The following AHNAK2 variants were observed in gnomAD, a reference collection of about 807,000 sequenced individuals.
The protein encoded by AHNAK2 is AHNAK nucleoprotein 2.
A neutral mutation model predicts 30.7 loss-of-function variants in AHNAK2; 18 were observed. The ratio of observed to expected loss-of-function variants is 0.59; its 90% CI spans 0.41 to 0.87. The LOEUF is 0.87. Ranked by LOEUF, AHNAK2 falls within the 40% of genes least tolerant of loss-of-function variation. AHNAK2 has a pLI of 0.00. For missense variants in AHNAK2, 8,604 were observed against 7,373.0 expected, an observed-to-expected ratio of 1.17 and a Z score of -6.11; for synonymous variants, 3,590 against 3,073.8, an observed-to-expected ratio of 1.17 and a Z score of -5.56.
In AHNAK2 at chr14:104,945,242, T is replaced by G; in HGVS notation, c.10209A>C (p.Lys3403Asn). The G allele has an allele frequency of 6.2e-7, 1 of 1,612,652 alleles. No individual in the cohort carries two copies. The highest frequency in any genetic ancestry group is 8.5e-7 in the Non-Finnish European group (1 of 1,179,470). ...KVEMPSFKMP[K>N]VDLKSPQVDI... ...CCACCTGGGGGCTCTTGAGGTCCAC[T>G]TTGGGCATCTTGAAACTGGGCATCT... is the stretch of plus-strand genomic sequence containing the variant. The change falls in exon 7 of 7, where the codon AAA becomes AAC. Residue 3403 changes from lysine (K) to asparagine (N), a missense_variant. Lys to Asn is a moderately conservative substitution (Grantham distance 94). Coordinates refer to ENST00000333244, the MANE Select transcript of AHNAK2 (RefSeq NM_138420.4).
At position 104,938,235 on chromosome 14, in the gene AHNAK2, C is replaced by CTTTAG. The variant is rs1897869460; in HGVS notation, c.17215_17216insCTAAA (p.Ser5739ThrfsTer14). The CTTTAG allele has an allele frequency of 1.2e-6, 2 of 1,613,784 alleles. No homozygotes were observed. Among genetic ancestry groups the CTTTAG allele is most frequent in the Admixed American group, 3.3e-5 (2 of 59,996 alleles). On this transcript the variant is annotated frameshift_variant, in exon 7 of 7. Transcript: ENST00000333244. LOFTEE classifies it low-confidence loss of function (END_TRUNC). ...CTCTTCCTTCTCTTCAGGGGAGAAA[C>CTTTAG]TTTCTCGGGCATCAAAAAACGTGAT...
Position 104,940,453 on chromosome 14 carries a change from C to G in AHNAK2, c.14998G>C (p.Ala5000Pro), listed in dbSNP as rs774111745. The change falls in exon 7 of 7, where the codon GCC becomes CCC. Residue 5000 changes from alanine to proline, a missense_variant. Ala to Pro is a conservative substitution (Grantham distance 27). Transcript: ENST00000333244. The surrounding 1 kb of genome is among the most constrained non-coding windows in gnomAD (Gnocchi z 4.4). ...LDKDEVAPQS[A>P]IHMDLPPERD... is the part of the protein sequence containing the mutation. ...TCAGGAGGCAGATCCATGTGGATGGCAGACTGCGGGGCCACTTCATCCTTG... is the reference window on the plus strand; with the variant it reads ...TCAGGAGGCAGATCCATGTGGATGGGAGACTGCGGGGCCACTTCATCCTTG... 6.2e-7 allele frequency: 1 copy of G among 1,613,856 alleles called. No individual in the cohort carries two copies. Among genetic ancestry groups the G allele is most frequent in the Non-Finnish European group, 8.5e-7 (1 of 1,179,902 alleles).
chr14:104,947,097 G>A lies in AHNAK2; in HGVS notation c.8354C>T (p.Ala2785Val), dbSNP rs1169582640. 1 of 1,612,576 alleles carries A rather than the reference G, an allele frequency of 6.2e-7. No homozygotes were observed. Among genetic ancestry groups the A allele is most frequent in the East Asian group, 2.2e-5 (1 of 44,712 alleles). Residue 2785 changes from alanine (A) to valine (V), a missense_variant, in exon 7 of 7, where the codon GCC (alanine) becomes GTC (valine). Coordinates refer to ENST00000333244, the MANE Select transcript of AHNAK2 (RefSeq NM_138420.4). ...CGCACCATCCAGCTTTGCTCTCGGG[G>A]CCTGGACGTCCACCTCCATGCTGGA... ...SLSSMEVDVQ[A>V]PRAKLDGARL...
chr14:104,944,466 T>C lies in AHNAK2; in HGVS notation c.10985A>G (p.Asp3662Gly), dbSNP rs200474125. ...APGKSMEASV[D>G]VSAPKVEADV... ...GGCTTCCACCTTGGGTGCAGACACA[T>C]CCACCGAGGCCTCCATGGACTTCCC... Residue 3662 changes from aspartate (D) to glycine (G), a missense_variant, in exon 7 of 7, where the codon GAT becomes GGT. Coordinates refer to ENST00000333244, the MANE Select transcript of AHNAK2 (RefSeq NM_138420.4). The C allele has an allele frequency of 5.1e-5, 83 of 1,612,830 alleles. No individual in the cohort carries two copies. The highest frequency in any genetic ancestry group is 6.9e-5 in the Non-Finnish European group (81 of 1,179,552).
rs767065290 is a variant in AHNAK2 at position 104,939,715 on chromosome 14, T to C, written c.15736A>G (p.Met5246Val). The C allele has an allele frequency of 1.2e-6, 2 of 1,613,898 alleles. No individual in the cohort carries two copies. The highest frequency in any genetic ancestry group is 1.3e-5 in the African/African-American group (1 of 75,056). Residue 5246 changes from methionine to valine, a missense_variant, in exon 7 of 7, where the codon ATG becomes GTG. Transcript: ENST00000333244. ...TCTGCCTCTGGGAGCTGTAGGGACA[T>C]AGCTGCCTCCACGTTTGACCCAGAA... is the stretch of plus-strand genomic sequence containing the variant. ...LVSGSNVEAA[M>V]SLQLPEADAE... is the part of the protein sequence containing the mutation.
chr14:104,943,513 C>T lies in AHNAK2; in HGVS notation c.11938G>A (p.Val3980Met), dbSNP rs751887950. The part of the protein sequence containing the change: ...MPKFKMPSFG[V>M]SAPGKSMEAS... ...TCCATGGACTTGCCTGGGGCAGACA[C>T]CCCGAACGACGGCATCTTGAACTTG... The change falls in exon 7 of 7, where the codon GTG (valine) becomes ATG (methionine). Residue 3980 changes from valine (V) to methionine (M), a missense_variant. Physicochemically the swap from Val to Met is conservative, Grantham distance 21. Transcript: ENST00000333244. 2 of 1,613,232 alleles carry T rather than the reference C, an allele frequency of 1.2e-6. No individual in the cohort carries two copies. The highest frequency in any genetic ancestry group is 2.2e-5 in the East Asian group (1 of 44,770).
rs1279636416 is a variant in AHNAK2 at position 104,966,487 on chromosome 14, T to A, written c.56-8815A>T. 6.6e-6 allele frequency among the ~76,000 whole-genome samples: 1 copy of A among 152,090 alleles called. No individual in the cohort carries two copies. Among genetic ancestry groups the A allele is most frequent in the East Asian group, 1.9e-4 (1 of 5,180 alleles). ...CACCTGGGCCCATCTCACTCACCTTTGCATTCAGACACTGCCCCACCACCT... is the reference window on the plus strand; with the variant it reads ...CACCTGGGCCCATCTCACTCACCTTAGCATTCAGACACTGCCCCACCACCT... On this transcript the variant is annotated intron_variant, in intron 1 of 6. Coordinates refer to ENST00000333244, the MANE Select transcript of AHNAK2 (RefSeq NM_138420.4). The surrounding 1 kb of genome is among the most constrained non-coding windows in gnomAD (Gnocchi z 4.3).
intron 1 of AHNAK2, chr14:104,970,315 C>A: frequency 7.8e-6 from 5 of 639,706 alleles, no homozygotes; most frequent in Non-Finnish European, 9.7e-6. Context: ...ACACCCCTGC[C>A]CGTCTGTCAG....
chr14:104,939,941 G>A lies in AHNAK2; in HGVS notation c.15510C>T (p.Val5170=), dbSNP rs943623889. The A allele has an allele frequency of 6.2e-7, 1 of 1,612,044 alleles. No individual in the cohort carries two copies. Among genetic ancestry groups the A allele is most frequent in the African/African-American group, 1.3e-5 (1 of 74,934 alleles). ...QPSCRKPDAE[V]LTVESPEEEA... is the part of the protein sequence containing the mutation. ...CCTCCTCTGGGCTTTCCACTGTGAG[G>A]ACTTCAGCATCTGGTTTTCTACAGG... Residue 5170 remains valine, a synonymous_variant, in exon 7 of 7, where the codon GTC becomes GTT. Coordinates refer to ENST00000333244, the MANE Select transcript of AHNAK2 (RefSeq NM_138420.4).
chr14:104,963,569 G>A (rs1219134564), intron 1 of AHNAK2, among the ~76,000 whole-genome samples: 2 of 152,106 alleles, frequency 1.3e-5, no homozygotes, highest in East Asian at 1.9e-4. Flanking sequence ...GGTGGCTCAC[G>A]CCTGTAATCC....
At position 104,948,074 on chromosome 14, in the gene AHNAK2, C is replaced by T. The variant is rs1566908979; in HGVS notation, c.7377G>A (p.Lys2459=). ...CCCCCTCCAGCCACGCACCATCCAGCTTGGCTCCCGGGGCCTCGACATCCA... is the reference window on the plus strand; with the variant it reads ...CCCCCTCCAGCCACGCACCATCCAGTTTGGCTCCCGGGGCCTCGACATCCA... ...VEVDVEAPGA[K]LDGAWLEGDL... The change falls in exon 7 of 7, where the codon AAG becomes AAA. Residue 2459 remains lysine (K), a synonymous_variant. Coordinates refer to ENST00000333244, the MANE Select transcript of AHNAK2 (RefSeq NM_138420.4). 2 of 1,613,082 alleles carry T rather than the reference C, an allele frequency of 1.2e-6. No individual in the cohort carries two copies.
At position 104,954,502 on chromosome 14, in the gene AHNAK2, TGCCCG is replaced by T; in HGVS notation, c.944_948del (p.Pro315GlnfsTer48). On this transcript the variant is annotated frameshift_variant, in exon 7 of 7. Transcript: ENST00000333244. LOFTEE classifies it low-confidence loss of function (END_TRUNC). This position sits in a 1 kb window ranked among gnomAD's most constrained non-coding sequence, Gnocchi z 4.3. ...TTGAGGAACTTCCGCCTCCTCTGGCTGCCCGGCCCTGCCTTCTGCTCTTGGCGCTC... is the reference window on the plus strand; with the variant it reads ...TTGAGGAACTTCCGCCTCCTCTGGCTGCCCTGCCTTCTGCTCTTGGCGCTC... The T allele has an allele frequency of 1.9e-6, 3 of 1,612,378 alleles. No individual in the cohort carries two copies. The highest frequency in any genetic ancestry group is 2.5e-6 in the Non-Finnish European group (3 of 1,179,508).
At chr14:104,961,505 C>T (rs1406901678) in intron 1 of AHNAK2, among the ~76,000 whole-genome samples, 72 of 146,478 alleles carry the variant, frequency 4.9e-4, no homozygotes, top group African/African-American at 1.7e-3. Flanking sequence ...ACAGCGAGAC[C>T]CCATCTTAAA....
chr14:104,954,061 T>G lies in AHNAK2; in HGVS notation c.1390A>C (p.Arg464=), dbSNP rs1280588846. 1 of 1,613,472 alleles carries G rather than the reference T, an allele frequency of 6.2e-7. No homozygotes were observed. ...TCGGTTGTGTCTCTCAAGGACAGTC[T>G]GGCGATCCCGATTTCCAGGCTCTGC... The part of the protein sequence containing the change: ...GLQSLEIGIA[R]LSLRDTTEGG... Residue 464 remains arginine, a synonymous_variant, in exon 7 of 7, where the codon AGA becomes CGA. Coordinates refer to ENST00000333244, the MANE Select transcript of AHNAK2 (RefSeq NM_138420.4). This position sits in a 1 kb window ranked among gnomAD's most constrained non-coding sequence, Gnocchi z 4.3.
In AHNAK2 at chr14:104,943,768, T is replaced by G; in HGVS notation, c.11683A>C (p.Lys3895Gln). 1 of 1,612,838 alleles carries G rather than the reference T, an allele frequency of 6.2e-7. No homozygotes were observed. The highest frequency in any genetic ancestry group is 1.1e-5 in the South Asian group (1 of 91,022). Residue 3895 changes from lysine to glutamine, a missense_variant, in exon 7 of 7, where the codon AAG (lysine) becomes CAG (glutamine). By Grantham distance (53) the Lys-to-Gln change is moderately conservative. Coordinates refer to ENST00000333244, the MANE Select transcript of AHNAK2 (RefSeq NM_138420.4). ...CCCTTGAGGTCGACTTTGGGCATCT[T>G]GAAACTGGGCATCTGCACCTTGGGC... The part of the protein sequence containing the change: ...HLPKVQMPSF[K>Q]MPKVDLKGPE...
In AHNAK2 at chr14:104,945,019, A is replaced by AACTGGGCATCTGCAG. The variant is rs1898183338; in HGVS notation, c.10431_10432insCTGCAGATGCCCAGT (p.Lys3477_Phe3478insLeuGlnMetProSer). On this transcript the variant is annotated inframe_insertion, in exon 7 of 7. Coordinates refer to ENST00000333244, the MANE Select transcript of AHNAK2 (RefSeq NM_138420.4). Reference sequence around the variant, plus strand: ...GACACCCCGAAGGAGGGCATCTTGAACTTGGGCATTTTGAACTTGCTGTCT... The same window carrying AACTGGGCATCTGCAG: ...GACACCCCGAAGGAGGGCATCTTGAAACTGGGCATCTGCAGCTTGGGCATTTTGAACTTGCTGTCT... 1 of 1,602,688 alleles carries AACTGGGCATCTGCAG rather than the reference A, an allele frequency of 6.2e-7. No individual in the cohort carries two copies. Among genetic ancestry groups the AACTGGGCATCTGCAG allele is most frequent in the Non-Finnish European group, 8.5e-7 (1 of 1,171,646 alleles).
At chr14:104,963,991 C>T (rs936912922) in intron 1 of AHNAK2, among the ~76,000 whole-genome samples, 7 of 152,060 alleles carry the variant, frequency 4.6e-5, no homozygotes, top group Admixed American at 3.3e-4. Context: ...CCATTTGATC[C>T]AGCAGTCCCA....
intron 4 of AHNAK2, 66 bp downstream of exon 4, chr14:104,956,522 G>C (rs1377543759): frequency 6.5e-7 from 1 of 1,542,394 alleles, no homozygotes; most frequent in East Asian, 2.2e-5. Context: ...TCTGACCTCG[G>C]ACTCTCTGGC....
chr14:104,942,273 T>C lies in AHNAK2; in HGVS notation c.13178A>G (p.Lys4393Arg), dbSNP rs1898026369. The change falls in exon 7 of 7, where the codon AAA (lysine) becomes AGA (arginine). Residue 4393 changes from lysine to arginine, a missense_variant. Physicochemically the swap from Lys to Arg is conservative, Grantham distance 26. Coordinates refer to ENST00000333244, the MANE Select transcript of AHNAK2 (RefSeq NM_138420.4). ...KLQMPSFKVP[K>R]VDLKGPQIDV... ...TATCTGGGGACCCTTGAGGTCCACT[T>C]TGGGTACCTTGAAACTGGGCATCTG... 1 of 1,613,152 alleles carries C rather than the reference T, an allele frequency of 6.2e-7. No homozygotes were observed. The highest frequency in any genetic ancestry group is 8.5e-7 in the Non-Finnish European group (1 of 1,179,770).
Sources: allele counts gnomAD v4.1 joint callset (sites outside exome capture counted in the v4.1 genomes callset), GRCh38; gene constraint gnomAD v4.1.1; non-coding constraint Gnocchi (gnomAD v3.1); transcripts MANE v1.5; gene names NCBI Gene and HGNC (gene_info 2026-07-23, HGNC 2026-07-21).